PTPRD: variants seen among roughly 807,000 people sequenced by gnomAD.
PTPRD encodes the protein receptor-type tyrosine-protein phosphatase delta.
Under a neutral mutation model 214.5 loss-of-function variants are expected in PTPRD, and 34 were observed. The observed-to-expected ratio is 0.16, with a 90% CI of 0.12 to 0.21. The LOEUF is 0.21. Ranked by LOEUF, PTPRD falls within the 10% of genes least tolerant of loss-of-function variation. PTPRD has a pLI of 1.00. For missense variants in PTPRD, 2,545 were observed against 2,398.7 expected (o/e 1.06, Z -1.27); for synonymous variants, 1,128 against 845.7 (o/e 1.33, Z -5.79).
Position 9,644,341 on chromosome 9 carries a change from T to G in PTPRD, c.-286-69560A>C, listed in dbSNP as rs188054095. ...TTTTGTGGTTTTCTGGGCTTCTCAG[T>G]TGATTTAATGCAGCAGAAATCAGAT... On this transcript the variant is annotated intron_variant, in intron 7 of 45. Coordinates refer to ENST00000381196, the MANE Select transcript of PTPRD (RefSeq NM_002839.4). Among the ~76,000 whole-genome samples the G allele has an allele frequency of 3.3e-5, 5 of 152,264 alleles. No homozygotes were observed. In the East Asian group the frequency reaches 7.7e-4, roughly 24 times the overall value.
chr9:10,014,249 G>A (rs193107164), intron 4 of PTPRD, among the ~76,000 whole-genome samples: 171 of 152,062 alleles, frequency 1.1e-3, no homozygotes, highest in South Asian at 2.5e-3. Flanking sequence ...CTTCACAGAT[G>A]AGGAAACTAA....
chr9:9,338,557 G>C (rs2045515230), intron 9 of PTPRD, among the ~76,000 whole-genome samples: 1 of 152,014 alleles, frequency 6.6e-6, no homozygotes, highest in African/African-American at 2.4e-5. Flanking sequence ...ATACAGAAAA[G>C]TTATATTACC....
chr9:9,210,401 A>G (rs2099947743), intron 9 of PTPRD, among the ~76,000 whole-genome samples: 1 of 152,186 alleles, frequency 6.6e-6, no homozygotes, highest in African/African-American at 2.4e-5. Flanking sequence ...GTTCATTCCA[A>G]AGATACTTTG....
chr9:8,875,295 G>A (rs1334724160), intron 11 of PTPRD, among the ~76,000 whole-genome samples: 3 of 152,182 alleles, frequency 2.0e-5, no homozygotes, highest in Non-Finnish European at 4.4e-5. Flanking sequence ...GGAGGCCGAG[G>A]TAGGAGGATC....
At position 8,503,996 on chromosome 9, in the gene PTPRD, A is replaced by C. The variant is rs16928058; in HGVS notation, c.1822+265T>G. Among the ~76,000 whole-genome samples, 25,365 of 152,118 alleles carry C rather than the reference A, an allele frequency of 0.17. 2,705 individuals are homozygous for C. Among genetic ancestry groups the C allele is most frequent in the African/African-American group, 0.3 (12,328 of 41,486 alleles). Reference sequence around the variant, plus strand: ...AAACAGGGCTTGATCTAACTCCTTTAACCCACATTTCACCCATGGACGTCT... The same window carrying C: ...AAACAGGGCTTGATCTAACTCCTTTCACCCACATTTCACCCATGGACGTCT... On this transcript the variant is annotated intron_variant, in intron 23 of 45. Coordinates refer to ENST00000381196, the MANE Select transcript of PTPRD (RefSeq NM_002839.4).
intron 5 of PTPRD, among the ~76,000 whole-genome samples, chr9:9,821,947 T>C (rs867378870): frequency 1.1e-4 from 17 of 149,070 alleles, no homozygotes; most frequent in African/African-American, 3.7e-4. Flanking sequence ...TATATATTTA[T>C]ATATATTAAA....
intron 2 of PTPRD, among the ~76,000 whole-genome samples, chr9:10,554,079 T>G (rs1198919386): frequency 3.3e-5 from 5 of 152,320 alleles, no homozygotes; most frequent in African/African-American, 4.8e-5. Context: ...CTTAATCTCT[T>G]AATCCCATGC....
chr9:10,053,196 G>C (rs757476490), intron 3 of PTPRD, among the ~76,000 whole-genome samples: 1 of 152,132 alleles, frequency 6.6e-6, no homozygotes, highest in Non-Finnish European at 1.5e-5. Context: ...ATGATTTATT[G>C]TTAATAAACA....
intron 12 of PTPRD, among the ~76,000 whole-genome samples, chr9:8,661,644 T>A (rs1177275053): frequency 1.3e-5 from 2 of 152,064 alleles, no homozygotes; most frequent in African/African-American, 4.8e-5. Flanking sequence ...AAAATTGCAA[T>A]ACCATCAGCA....
chr9:10,521,698 C>G lies in PTPRD; in HGVS notation c.-600+90700G>C, dbSNP rs2052351093. Among the ~76,000 whole-genome samples, 5 of 152,206 alleles carry G rather than the reference C, an allele frequency of 3.3e-5. No individual in the cohort carries two copies. The South Asian group carries it at 1.0e-3, about 32-fold the overall frequency. ...AACCACCACCCAGATTAGTCAAAAGCAATTAGCATGGTGGCGGGACCCTAC... is the reference window on the plus strand; with the variant it reads ...AACCACCACCCAGATTAGTCAAAAGGAATTAGCATGGTGGCGGGACCCTAC... On this transcript the variant is annotated intron_variant, in intron 2 of 45. Transcript: ENST00000381196.
intron 3 of PTPRD, among the ~76,000 whole-genome samples, chr9:10,115,571 G>A (rs2098723959): frequency 6.6e-6 from 1 of 152,052 alleles, no homozygotes; most frequent in Non-Finnish European, 1.5e-5. Flanking sequence ...TCACTTTCAA[G>A]GTTGATGTGT....
chr9:10,102,904 G>A (rs964381884), intron 3 of PTPRD, among the ~76,000 whole-genome samples: 2 of 151,562 alleles, frequency 1.3e-5, no homozygotes, highest in Admixed American at 6.6e-5. Context: ...TTTTCCCAAT[G>A]TATTTCACAT....
chr9:8,425,825 G>C (rs1259495989), intron 35 of PTPRD, among the ~76,000 whole-genome samples: 1 of 152,094 alleles, frequency 6.6e-6, no homozygotes, highest in Non-Finnish European at 1.5e-5. Flanking sequence ...TAAATAATGT[G>C]TCTAGGGGCA....
chr9:9,743,612 T>C (rs2098426388), intron 6 of PTPRD, among the ~76,000 whole-genome samples: 1 of 151,890 alleles, frequency 6.6e-6, no homozygotes. Flanking sequence ...ATCCACACCC[T>C]CTTCCTTTTC....
chr9:9,821,370 G>C (rs548102848), intron 5 of PTPRD, among the ~76,000 whole-genome samples: 1 of 152,084 alleles, frequency 6.6e-6, no homozygotes, highest in Non-Finnish European at 1.5e-5. Context: ...AGGGTGGAAG[G>C]GATTGTACAC....
At position 8,499,665 on chromosome 9, in the gene PTPRD, G is replaced by C. The variant is rs2136806629; in HGVS notation, c.2304C>G (p.Val768=). Residue 768 remains valine, a synonymous_variant, in exon 25 of 46, where the codon GTC becomes GTG. Coordinates refer to ENST00000381196, the MANE Select transcript of PTPRD (RefSeq NM_002839.4). ...GGCTTACCTGTGCATCAGCCAGCAT[G>C]ACATCTTTCAGCATGGGCTGGCCCT... ...EPKGQPMLKD[V]MLADAQWEFD... 1 of 1,613,416 alleles carries C rather than the reference G, an allele frequency of 6.2e-7. No individual in the cohort carries two copies. Among genetic ancestry groups the C allele is most frequent in the Non-Finnish European group, 8.5e-7 (1 of 1,179,684 alleles).
At chr9:8,782,947 C>T (rs1374050871) in intron 11 of PTPRD, among the ~76,000 whole-genome samples, 2 of 151,978 alleles carry the variant, frequency 1.3e-5, no homozygotes, top group Non-Finnish European at 2.9e-5. Flanking sequence ...AGAAAAGCTC[C>T]AAATAGGTAA....
intron 5 of PTPRD, among the ~76,000 whole-genome samples, chr9:9,796,573 G>T (rs946129637): frequency 1.3e-5 from 2 of 152,074 alleles, no homozygotes; most frequent in Non-Finnish European, 2.9e-5. Context: ...ATGAAGAGAG[G>T]TACAAAACCT....
chr9:10,439,896 T>C (rs2098747581), intron 2 of PTPRD, among the ~76,000 whole-genome samples: 1 of 151,728 alleles, frequency 6.6e-6, no homozygotes, highest in Admixed American at 6.6e-5. Flanking sequence ...TCTTCCCTAA[T>C]TTTTAAATTG....
Sources: allele counts gnomAD v4.1 joint callset (sites outside exome capture counted in the v4.1 genomes callset), GRCh38; gene constraint gnomAD v4.1.1; transcripts MANE v1.5; gene names NCBI Gene and HGNC (gene_info 2026-07-23, HGNC 2026-07-21).